The following COL15A1 variants were observed in gnomAD, a reference collection of about 807,000 sequenced individuals.
The protein encoded by COL15A1 is collagen type XV alpha 1 chain.
COL15A1 carries 111 observed loss-of-function variants against 165.9 expected under a neutral mutation model. The observed-to-expected ratio is 0.67, with a 90% CI of 0.57 to 0.78. The LOEUF is 0.78. Ranked by LOEUF, COL15A1 falls within the 30% of genes least tolerant of loss-of-function variation. The pLI, the probability that COL15A1 is intolerant of heterozygous loss-of-function variation, is 0.00. For synonymous variants in COL15A1, 659 were observed against 674.8 expected (o/e 0.98, Z 0.36); for missense variants, 1,745 against 1,789.7 (o/e 0.98, Z 0.45).
At chr9:98,991,943 C>A (rs1270581504) in intron 5 of COL15A1, among the ~76,000 whole-genome samples, 1 of 152,124 alleles carries the variant, frequency 6.6e-6, no homozygotes, top group Non-Finnish European at 1.5e-5. Flanking sequence ...CTGATTGGTG[C>A]ATTTACAAAC....
chr9:98,945,901 G>T (rs986233593), intron 2 of COL15A1, among the ~76,000 whole-genome samples: 1 of 152,104 alleles, frequency 6.6e-6, no homozygotes, highest in Non-Finnish European at 1.5e-5. Flanking sequence ...TGTGTCTCTG[G>T]GATCCCTCAG....
intron 2 of COL15A1, among the ~76,000 whole-genome samples, chr9:98,977,529 C>A (rs920849739): frequency 6.6e-6 from 1 of 152,256 alleles, no homozygotes; most frequent in African/African-American, 2.4e-5. Context: ...CGTCCCCTAC[C>A]ACGCCATGCC....
At chr9:98,986,311 T>G (rs1021450864) in intron 3 of COL15A1, 199 bp downstream of exon 3, 1 of 562,882 alleles carries the variant, frequency 1.8e-6, no homozygotes, top group Admixed American at 3.3e-5. Context: ...CCTTGTAAAT[T>G]TGAGACAGTT....
chr9:99,028,186 A>G (rs1171837081), intron 16 of COL15A1, among the ~76,000 whole-genome samples: 1 of 152,198 alleles, frequency 6.6e-6, no homozygotes, highest in Admixed American at 6.5e-5. Flanking sequence ...AGTTATCTAA[A>G]ATGGAGTTTT....
At chr9:99,047,619 T>C (rs1414587684) in intron 26 of COL15A1, among the ~76,000 whole-genome samples, 167 bp from the exon 27 acceptor site, 2 of 152,142 alleles carry the variant, frequency 1.3e-5, no homozygotes, top group African/African-American at 4.8e-5. Flanking sequence ...GCGGAGAGGC[T>C]GGAGACAAGG....
At chr9:99,043,501 C>T (rs1839446864) in intron 24 of COL15A1, among the ~76,000 whole-genome samples, 1 of 152,232 alleles carries the variant, frequency 6.6e-6, no homozygotes, top group Non-Finnish European at 1.5e-5. Flanking sequence ...GGCAGCCGGG[C>T]AGTTCTGCTC....
chr9:98,974,817 G>A (rs1405533894), intron 2 of COL15A1, among the ~76,000 whole-genome samples: 1 of 152,150 alleles, frequency 6.6e-6, no homozygotes, highest in Non-Finnish European at 1.5e-5. Context: ...GTGTGCCGTC[G>A]GTCTTTAGAG....
At position 98,985,763 on chromosome 9, in the gene COL15A1, G is replaced by A. The variant is rs749004076; in HGVS notation, c.299G>A (p.Ser100Asn). 1.9e-6 allele frequency: 3 copies of A among 1,613,934 alleles called. No homozygotes were observed. In the African/African-American group the frequency reaches 4.0e-5, roughly 22 times the overall value. Reference sequence around the variant, plus strand: ...GCCATCAGCGTCGTGGTGAAGCCCAGCAGCACCCGTGGTGGCGTGCTCTTC... The same window carrying A: ...GCCATCAGCGTCGTGGTGAAGCCCAACAGCACCCGTGGTGGCGTGCTCTTC... ...DFAISVVVKP[S>N]STRGGVLFAI... The change falls in exon 3 of 42, where the codon AGC (serine) becomes AAC (asparagine). Residue 100 changes from serine (S) to asparagine (N), a missense_variant. Physicochemically the swap from Ser to Asn is conservative, Grantham distance 46 (BLOSUM62 1). Coordinates refer to ENST00000375001, the MANE Select transcript of COL15A1 (RefSeq NM_001855.5).
intron 30 of COL15A1, 93 bp from the exon 31 acceptor site, chr9:99,052,295 T>G (rs1452326655): frequency 1.1e-6 from 1 of 947,766 alleles, no homozygotes; most frequent in Non-Finnish European, 1.7e-6. Flanking sequence ...GCATTGCCTC[T>G]TTTGTCACAT....
chr9:99,024,753 TG>T, intron 14 of COL15A1, 120 bp from the exon 15 acceptor site: 1 of 1,173,268 alleles, frequency 8.5e-7, no homozygotes, highest in Non-Finnish European at 1.2e-6. Flanking sequence ...ATCTGCTAAG[TG>T]GGATCACCAA....
chr9:99,007,040 T>C (rs1838774541), intron 9 of COL15A1, among the ~76,000 whole-genome samples: 1 of 152,176 alleles, frequency 6.6e-6, no homozygotes, highest in Non-Finnish European at 1.5e-5. Flanking sequence ...TCAATCAATA[T>C]ATGTAAGGTG....
At chr9:98,990,342 T>C (rs1838397475) in intron 5 of COL15A1, among the ~76,000 whole-genome samples, 1 of 152,120 alleles carries the variant, frequency 6.6e-6, no homozygotes, top group Non-Finnish European at 1.5e-5. Context: ...CTGAGTGGTA[T>C]TGCAAAAGTC....
At chr9:98,987,571 T>TA (rs1396692430) in intron 4 of COL15A1, among the ~76,000 whole-genome samples, 1 of 152,222 alleles carries the variant, frequency 6.6e-6, no homozygotes, top group Non-Finnish European at 1.5e-5. Context: ...CTGTGTTTCT[T>TA]ATAAGGTGTC....
chr9:99,028,993 G>C (rs376187395), intron 16 of COL15A1, among the ~76,000 whole-genome samples: 1 of 152,166 alleles, frequency 6.6e-6, no homozygotes, highest in South Asian at 2.1e-4. Flanking sequence ...AGCCCAAGAA[G>C]GAATGGGTGA....
chr9:99,029,648 G>A (rs978005938), intron 16 of COL15A1, among the ~76,000 whole-genome samples: 100 of 152,290 alleles, frequency 6.6e-4, no homozygotes, highest in African/African-American at 2.3e-3. Context: ...AGATGGCTGG[G>A]TACGGTGGCT....
Position 99,005,014 on chromosome 9 carries a change from C to T in COL15A1, c.1317C>T (p.Ser439=). Residue 439 remains serine, a synonymous_variant, in exon 9 of 42, where the codon TCC becomes TCT. Transcript: ENST00000375001. The part of the protein sequence containing the change: ...SGVAPGELDL[S]MSAQSLGEEA... ...TGGCCCCCGGGGAGCTGGACCTCTC[C>T]ATGTCCGCCCAGAGCCTCGGGGAAG... is the stretch of plus-strand genomic sequence containing the variant. The T allele has an allele frequency of 6.2e-7, 1 of 1,612,924 alleles. No individual in the cohort carries two copies. The highest frequency in any genetic ancestry group is 8.5e-7 in the Non-Finnish European group (1 of 1,179,410).
At chr9:98,977,840 G>C (rs1471532645) in intron 2 of COL15A1, among the ~76,000 whole-genome samples, 1 of 152,222 alleles carries the variant, frequency 6.6e-6, no homozygotes, top group African/African-American at 2.4e-5. Flanking sequence ...AGTGGGCAGG[G>C]ACCTCCCCTG....
intron 2 of COL15A1, among the ~76,000 whole-genome samples, chr9:98,946,047 T>A (rs1837579030): frequency 6.6e-6 from 1 of 152,246 alleles, no homozygotes; most frequent in South Asian, 2.1e-4. Flanking sequence ...TCAGTGCCCC[T>A]TTGGGGATGT....
At position 99,035,114 on chromosome 9, in the gene COL15A1, G is replaced by A. The variant is rs765951651; in HGVS notation, c.2180G>A (p.Gly727Glu). 5.6e-6 allele frequency: 9 copies of A among 1,603,614 alleles called. 1 individual carries two copies. In the Admixed American group the frequency reaches 7.0e-5, roughly 12 times the overall value. The change falls in exon 18 of 42, where the codon GGG becomes GAG. Residue 727 changes from glycine to glutamate, a missense_variant. Physicochemically the swap from Gly to Glu is moderately conservative, Grantham distance 98. Transcript: ENST00000375001. ...CCCCCAGGGCCTCCTGGACCCCCTG[G>A]GCCCCCAGGCCCTGGATGCACAATG... Reference protein sequence around the residue: ...MGPPGPPGPPGPPGPGCTMGL... With the variant: ...MGPPGPPGPPEPPGPGCTMGL...
Sources: allele counts gnomAD v4.1 joint callset (sites outside exome capture counted in the v4.1 genomes callset), GRCh38; gene constraint gnomAD v4.1.1; transcripts MANE v1.5; gene names NCBI Gene and HGNC (gene_info 2026-07-23, HGNC 2026-07-21).